The following SERINC1 variants were observed in gnomAD, a reference collection of about 807,000 sequenced individuals.
SERINC1 encodes the protein serine incorporator 1.
SERINC1 carries 38 observed loss-of-function variants against 52.9 expected under a neutral mutation model. The observed-to-expected ratio is 0.72, with a 90% CI of 0.55 to 0.94. The LOEUF (loss-of-function observed/expected upper bound fraction) is 0.94. Among genes scored for constraint, SERINC1 ranks in the 40% least tolerant of loss-of-function variants. The pLI is 0.00. For synonymous variants in SERINC1, 198 were observed against 183.1 expected (o/e 1.08, Z -0.66); for missense variants, 471 against 533.9 (o/e 0.88, Z 1.16).
Position 122,451,982 on chromosome 6 carries a change from T to G in SERINC1, c.665A>C (p.His222Pro), listed in dbSNP as rs763278270. The part of the protein sequence containing the change: ...AIVLFFVYYT[H>P]PASCSENKAF... ...CTTGTTTTCTGAACAACTGGCTGGA[T>G]GAGTGTAGTAGACAAAGAACAGGAC... The change falls in exon 6 of 10, where the codon CAT becomes CCT. Residue 222 changes from histidine (H) to proline (P), a missense_variant. Transcript: ENST00000339697. The G allele has an allele frequency of 6.3e-7, 1 of 1,599,362 alleles. No individual in the cohort carries two copies. The highest frequency in any genetic ancestry group is 8.5e-7 in the Non-Finnish European group (1 of 1,173,360).
At chr6:122,464,490 C>A (rs752304195) in intron 1 of SERINC1, among the ~76,000 whole-genome samples, 1 of 152,098 alleles carries the variant, frequency 6.6e-6, no homozygotes, top group Non-Finnish European at 1.5e-5. Context: ...GCTACTCAGG[C>A]AGAGGAAACA....
chr6:122,445,883 C>CAAAAAAAAAAAAAAAAAAAAAAAAAA (rs71018202), intron 9 of SERINC1, among the ~76,000 whole-genome samples: 3 of 62,832 alleles, frequency 4.8e-5, no homozygotes, highest in African/African-American at 1.3e-4. Flanking sequence ...GACTCCATTT[C>CAAAAAAAAAAAAAAAAAAAAAAAAAA]AAAAAAAAAA....
At chr6:122,459,347 T>G (rs1775059559) in intron 1 of SERINC1, among the ~76,000 whole-genome samples, 1 of 152,076 alleles carries the variant, frequency 6.6e-6, no homozygotes, top group South Asian at 2.1e-4. Context: ...GAGTAAATAT[T>G]CTCATAATAT....
rs765563564 is a variant in SERINC1, at chr6:122,445,165, C to T, written c.1241G>A (p.Arg414His). 2.9e-5 allele frequency: 47 copies of T among 1,613,476 alleles called. No homozygotes were observed. Among genetic ancestry groups the T allele is most frequent in the Admixed American group, 5.0e-5 (3 of 59,890 alleles). The change falls in exon 10 of 10, where the codon CGT (arginine) becomes CAT (histidine). Residue 414 changes from arginine to histidine, a missense_variant. By Grantham distance (29) the Arg-to-His change is conservative. Coordinates refer to ENST00000339697, the MANE Select transcript of SERINC1 (RefSeq NM_020755.4). ...AGCTGTCCACTGACTTTTCATCTCA[C>T]GAGAGGGTTCATACCTAAAATTTCA... is the stretch of plus-strand genomic sequence containing the variant. Reference protein sequence around the residue: ...LTNWYRYEPSREMKSQWTAVW... With the variant: ...LTNWYRYEPSHEMKSQWTAVW...
rs553131160 is a variant in SERINC1 at position 122,449,975 on chromosome 6, T to C, written c.850+1689A>G. Among the ~76,000 whole-genome samples the C allele has an allele frequency of 3.9e-5, 6 of 152,174 alleles. No homozygotes were observed. In the East Asian group the frequency reaches 5.8e-4, roughly 15 times the overall value. ...GTTGCAGTGAACGGGGATTGTGCCA[T>C]TGCACTCCAGCCTGTGCAACAAGAG... On this transcript the variant is annotated intron_variant, in intron 7 of 9. Coordinates refer to ENST00000339697, the MANE Select transcript of SERINC1 (RefSeq NM_020755.4).
At position 122,456,619 on chromosome 6, in the gene SERINC1, A is replaced by C. The variant is rs147730378; in HGVS notation, c.233T>G (p.Val78Gly). 2.5e-6 allele frequency: 4 copies of C among 1,603,972 alleles called. No homozygotes were observed. The South Asian group carries it at 3.4e-5, about 14-fold the overall frequency. ...IPGFCENEKG[V>G]VPCNILVGYK... ...GCCAACCAAAATGTTACAAGGGACA[A>C]CACCTTTCTCATTCTCACAAAATCC... The change falls in exon 3 of 10, where the codon GTT becomes GGT. Residue 78 changes from valine to glycine, a missense_variant. Coordinates refer to ENST00000339697, the MANE Select transcript of SERINC1 (RefSeq NM_020755.4).
At chr6:122,449,028 G>A (rs539595912) in intron 7 of SERINC1, among the ~76,000 whole-genome samples, 135 of 151,626 alleles carry the variant, frequency 8.9e-4, no homozygotes, top group African/African-American at 3.2e-3. Flanking sequence ...AATTTCTTTC[G>A]GGCACCACAA....
chr6:122,468,003 C>T (rs922315877), intron 1 of SERINC1, among the ~76,000 whole-genome samples: 1 of 152,080 alleles, frequency 6.6e-6, no homozygotes, highest in African/African-American at 2.4e-5. Context: ...AAAAGAAATA[C>T]TGTCTCCAAA....
At chr6:122,447,930 A>T (rs1774835323) in intron 7 of SERINC1, among the ~76,000 whole-genome samples, 1 of 152,134 alleles carries the variant, frequency 6.6e-6, no homozygotes, top group Admixed American at 6.6e-5. Flanking sequence ...CCTGGCCAAC[A>T]TGGTGAAACC....
intron 4 of SERINC1, 63 bp downstream of exon 4, chr6:122,454,088 G>T: frequency 1.6e-6 from 2 of 1,228,920 alleles, no homozygotes; most frequent in South Asian, 2.8e-5. Flanking sequence ...AGTTCCAGGT[G>T]ACAATTATTT....
rs1388284412 is a variant in SERINC1 at position 122,446,963 on chromosome 6, A to G, written c.1037T>C (p.Leu346Pro). 1.9e-6 allele frequency: 3 copies of G among 1,613,500 alleles called. No individual in the cohort carries two copies. In the South Asian group the frequency reaches 3.3e-5, roughly 18 times the overall value. Reference protein sequence around the residue: ...SNNSQVNKLTLTSDESTLIED... With the variant: ...SNNSQVNKLTPTSDESTLIED... ...TATTAATGTAGATTCATCACTTGTT[A>G]GAGTCAGTTTATTAACCTGACTATT... The change falls in exon 9 of 10, where the codon CTA (leucine) becomes CCA (proline). Residue 346 changes from leucine (L) to proline (P), a missense_variant. By Grantham distance (98) the Leu-to-Pro change is moderately conservative (BLOSUM62 -3). Coordinates refer to ENST00000339697, the MANE Select transcript of SERINC1 (RefSeq NM_020755.4).
In SERINC1 at chr6:122,453,632, A is replaced by G. The variant is rs1013278173; in HGVS notation, c.589+138T>C. 11 of 574,398 alleles carry G rather than the reference A, an allele frequency of 1.9e-5. No individual in the cohort carries two copies. The African/African-American group carries it at 1.9e-4, about 10-fold the overall frequency. The allele number at this position is 574,398 out of a possible 1,614,324, so 35.6% of individuals were successfully genotyped here. A position where few individuals can be genotyped will look rare whatever the true frequency, so the allele number is the denominator to read the frequency against. ...GTTGCTGATACAATGTGATATTTTG[A>G]CACTCACAAAGTTTAAATTAAAAAC... On this transcript the variant is annotated intron_variant, in intron 5 of 9. Transcript: ENST00000339697.
Position 122,451,638 on chromosome 6 carries a change from G to T in SERINC1, c.850+26C>A. The T allele has an allele frequency of 4.9e-6, 4 of 821,090 alleles. No homozygotes were observed. In the South Asian group the frequency reaches 5.0e-5, roughly 10 times the overall value. The allele number at this position is 821,090 out of a possible 1,614,324, so 50.9% of individuals were successfully genotyped here. A position where few individuals can be genotyped will look rare whatever the true frequency, so the allele number is the denominator to read the frequency against. On this transcript the variant is annotated intron_variant, in intron 7 of 9. Coordinates refer to ENST00000339697, the MANE Select transcript of SERINC1 (RefSeq NM_020755.4). ...AAAACAACAACTGCAGAACCTTTAG[G>T]AACATGTAATATAAATAAAACACAC...
intron 1 of SERINC1, among the ~76,000 whole-genome samples, chr6:122,464,111 C>G (rs1221484524): frequency 6.6e-6 from 1 of 151,946 alleles, no homozygotes; most frequent in East Asian, 1.9e-4. Flanking sequence ...AAGGCAAAAT[C>G]CTAAAGACAG....
chr6:122,467,546 G>A (rs905116205), intron 1 of SERINC1, among the ~76,000 whole-genome samples: 8 of 152,138 alleles, frequency 5.3e-5, no homozygotes, highest in South Asian at 2.1e-4. Context: ...GTTCAAAGTC[G>A]CAGTGAGCTG....
rs766910383 is a variant in SERINC1 at position 122,453,874 on chromosome 6, CA to C, written c.484del (p.Cys162ValfsTer7). 6.2e-7 allele frequency: 1 copy of C among 1,601,980 alleles called. No individual in the cohort carries two copies. The highest frequency in any genetic ancestry group is 2.2e-5 in the East Asian group (1 of 44,492). ...TAAGACTAGTTGTATGAGGATGAAA[CA>C]AAAGGCACCTGCCATGCCTACATAA... is the stretch of plus-strand genomic sequence containing the variant. The part of the protein sequence containing the change: ...WFYVGMAGAF[C>X]FILIQLVLLI... On this transcript the variant is annotated frameshift_variant, in exon 5 of 10. Coordinates refer to ENST00000339697, the MANE Select transcript of SERINC1 (RefSeq NM_020755.4). LOFTEE classifies it high-confidence loss of function.
In SERINC1 at chr6:122,457,161, A is replaced by C. The variant is rs12197915; in HGVS notation, c.202-511T>G. 4.7e-4 allele frequency among the ~76,000 whole-genome samples: 71 copies of C among 152,160 alleles called. 1 individual carries two copies. The highest frequency in any genetic ancestry group is 9.6e-4 in the Non-Finnish European group (65 of 68,024). On this transcript the variant is annotated intron_variant, in intron 2 of 9. Coordinates refer to ENST00000339697, the MANE Select transcript of SERINC1 (RefSeq NM_020755.4). Reference sequence around the variant, plus strand: ...AATCACATTCCTTAATCTCATTTTTATATAGACACTATCCCTGTCATTCTT... The same window carrying C: ...AATCACATTCCTTAATCTCATTTTTCTATAGACACTATCCCTGTCATTCTT...
intron 7 of SERINC1, 114 bp from the exon 8 acceptor site, chr6:122,447,379 G>GA (rs1209741827): frequency 4.1e-6 from 3 of 727,576 alleles, no homozygotes; most frequent in African/African-American, 3.5e-5. Flanking sequence ...ACAATTGCTG[G>GA]AAAAGGCATC....
At chr6:122,454,035 AAC>A (rs555419728) in intron 4 of SERINC1, 114 bp downstream of exon 4, 1,617 of 1,085,950 alleles carry the variant, frequency 1.5e-3, no homozygotes, top group Middle Eastern at 1.9e-3. Context: ...CAACTGGGGA[AAC>A]ACACACACAC....
Sources: allele counts gnomAD v4.1 joint callset (sites outside exome capture counted in the v4.1 genomes callset), GRCh38; gene constraint gnomAD v4.1.1; transcripts MANE v1.5; gene names NCBI Gene and HGNC (gene_info 2026-07-23, HGNC 2026-07-21).